Variants in SFMBT2 observed in about 807,000 individuals in gnomAD.
SFMBT2 encodes the protein scm-like with four MBT domains protein 2.
A neutral mutation model predicts 110.1 loss-of-function variants in SFMBT2; 38 were observed. The observed-to-expected ratio is 0.35, with a 90% CI of 0.27 to 0.45. The LOEUF (loss-of-function observed/expected upper bound fraction) is 0.45. SFMBT2 is among the 20% of genes least tolerant of loss of function. The probability of loss-of-function intolerance (pLI) is 1.00; values close to 1 mark genes in which losing one functional copy is unlikely to be tolerated. For missense variants in SFMBT2, 1,011 were observed against 1,094.9 expected, an observed-to-expected ratio of 0.92 and a Z score of 1.08; for synonymous variants, 425 against 425.4, an observed-to-expected ratio of 1.00 and a Z score of 0.01.
In SFMBT2 at chr10:7,283,922, T is replaced by C. The variant is rs1842017456; in HGVS notation, c.754A>G (p.Arg252Gly). ...PVGWCQENKYRMDPPSEIYPL... is the reference protein window; with the variant it reads ...PVGWCQENKYGMDPPSEIYPL... The stretch of plus-strand genomic sequence containing the variant: ...CCCTTACCTGAAGGTGGGTCCATTC[T>C]GTATTTATTCTCTTGACACCAACCA... The change falls in exon 6 of 21, where the codon AGA becomes GGA. Residue 252 changes from arginine (R) to glycine (G), a missense_variant. Arg to Gly is a moderately radical substitution (Grantham distance 125). This residue lies in a region of SFMBT2 where 979 missense variants were observed against 1,016.1 expected (regional missense o/e 0.96). Transcript: ENST00000397167. 1 of 1,598,170 alleles carries C rather than the reference T, an allele frequency of 6.3e-7. No individual in the cohort carries two copies. The highest frequency in any genetic ancestry group is 8.6e-7 in the Non-Finnish European group (1 of 1,165,386).
At chr10:7,164,202 C>T in intron 20 of SFMBT2, 1 of 832,900 alleles carries the variant, frequency 1.2e-6, no homozygotes, top group Non-Finnish European at 1.4e-6. Context: ...GTCTGGGTAA[C>T]ACGGTGAGAT....
chr10:7,315,076 G>GAA (rs1306152314), intron 4 of SFMBT2, among the ~76,000 whole-genome samples: 1 of 144,150 alleles, frequency 6.9e-6, no homozygotes, highest in African/African-American at 2.6e-5. Context: ...AAGAAAGAAA[G>GAA]AAAGAAAGAA....
intron 15 of SFMBT2, among the ~76,000 whole-genome samples, chr10:7,194,505 C>T (rs1838709379): frequency 6.6e-6 from 1 of 152,186 alleles, no homozygotes; most frequent in South Asian, 2.1e-4. Context: ...CACTGCACAT[C>T]TCCTACACAT....
intron 11 of SFMBT2, chr10:7,206,424 T>C: frequency 1.6e-5 from 16 of 985,424 alleles, no homozygotes; most frequent in Non-Finnish European, 1.9e-5. Flanking sequence ...GCATCACAGC[T>C]AAACGGAACC....
intron 10 of SFMBT2, among the ~76,000 whole-genome samples, chr10:7,224,582 G>A (rs963456690): frequency 6.6e-6 from 1 of 152,132 alleles, no homozygotes; most frequent in Non-Finnish European, 1.5e-5. Flanking sequence ...CCTTCGTCCA[G>A]TCTCCTGTTC....
chr10:7,167,327 G>A (rs899993237), intron 20 of SFMBT2, among the ~76,000 whole-genome samples: 8 of 152,216 alleles, frequency 5.3e-5, no homozygotes, highest in African/African-American at 1.9e-4. Context: ...TTTTTACTGT[G>A]TAATGTACAG....
At position 7,410,128 on chromosome 10, in the gene SFMBT2, G is replaced by A. The variant is rs543382817; in HGVS notation, c.-52+733C>T. 2.0e-5 allele frequency among the ~76,000 whole-genome samples: 3 copies of A among 152,290 alleles called. No individual in the cohort carries two copies. In the East Asian group the frequency reaches 5.8e-4, roughly 29 times the overall value. Reference sequence around the variant, plus strand: ...AAGTCAGCAATTTTGAAAGGGGGTCGAATAAGAGGAGACAACCGGAAAGCC... The same window carrying A: ...AAGTCAGCAATTTTGAAAGGGGGTCAAATAAGAGGAGACAACCGGAAAGCC... On this transcript the variant is annotated intron_variant, in intron 1 of 20. Transcript: ENST00000397167.
intron 2 of SFMBT2, among the ~76,000 whole-genome samples, chr10:7,377,250 C>G (rs373322507): frequency 1.0e-3 from 154 of 150,250 alleles, no homozygotes; most frequent in African/African-American, 3.5e-3. Context: ...ATAATTTTCT[C>G]AAGGAAAAAC....
intron 4 of SFMBT2, among the ~76,000 whole-genome samples, chr10:7,359,826 A>G (rs1844656239): frequency 6.6e-6 from 1 of 152,246 alleles, no homozygotes; most frequent in Admixed American, 6.5e-5. Flanking sequence ...TCTCAGTGAT[A>G]TTCAGTCTGA....
At position 7,160,616 on chromosome 10, in the gene SFMBT2, G is replaced by A. The variant is rs1564358967; in HGVS notation, c.*3154C>T. 1 of 152,186 alleles carries A rather than the reference G, an allele frequency of 6.6e-6. No individual in the cohort carries two copies. Among genetic ancestry groups the A allele is most frequent in the Non-Finnish European group, 1.5e-5 (1 of 68,050 alleles). 9.4% of individuals were successfully genotyped at this position (152,186 alleles called of 1,614,324 possible). ...GCGGGGCATCACTTTTTGGTGTTTAGACCATGACATTGTTGGCCTAGGGGC... is the reference window on the plus strand; with the variant it reads ...GCGGGGCATCACTTTTTGGTGTTTAAACCATGACATTGTTGGCCTAGGGGC... On this transcript the variant is annotated 3_prime_UTR_variant, in exon 21 of 21. Transcript: ENST00000397167.
intron 7 of SFMBT2, among the ~76,000 whole-genome samples, chr10:7,264,908 T>C (rs556068120): frequency 1.0e-3 from 133 of 129,020 alleles, no homozygotes; most frequent in African/African-American, 3.7e-3. Flanking sequence ...GATCAAACAA[T>C]CTGAAAAGAC....
chr10:7,312,224 A>T (rs1842877468), intron 4 of SFMBT2, among the ~76,000 whole-genome samples: 1 of 152,152 alleles, frequency 6.6e-6, no homozygotes, highest in Admixed American at 6.5e-5. Context: ...CGTAAAGTAT[A>T]ATTTAAAAAA....
chr10:7,206,476 C>T, intron 11 of SFMBT2: 6 of 985,402 alleles, frequency 6.1e-6, no homozygotes, highest in Non-Finnish European at 7.2e-6. Context: ...TGTACGTGGA[C>T]AAGGCCCTTC....
chr10:7,324,790 C>A (rs1367248257), intron 4 of SFMBT2, among the ~76,000 whole-genome samples: 5 of 152,096 alleles, frequency 3.3e-5, no homozygotes, highest in Non-Finnish European at 7.4e-5. Flanking sequence ...AGGTGGCCGC[C>A]ATCTTGCTAC....
chr10:7,232,936 G>A (rs181336760), intron 9 of SFMBT2, among the ~76,000 whole-genome samples: 3 of 152,186 alleles, frequency 2.0e-5, no homozygotes, highest in East Asian at 3.9e-4. Flanking sequence ...TCCAGTTCCT[G>A]GAGGAAGTGA....
chr10:7,284,363 C>A, intron 5 of SFMBT2: 1 of 1,301,206 alleles, frequency 7.7e-7, no homozygotes, highest in Non-Finnish European at 9.7e-7. Context: ...CCGTATCCAA[C>A]AACAAAAAAA....
chr10:7,205,018 T>A (rs1425388849), intron 12 of SFMBT2: 1 of 700,078 alleles, frequency 1.4e-6, no homozygotes, highest in African/African-American at 1.9e-5. Context: ...TGTGGTAATA[T>A]ACTTTATAAA....
At chr10:7,299,614 A>G (rs1842500155) in intron 4 of SFMBT2, among the ~76,000 whole-genome samples, 2 of 152,202 alleles carry the variant, frequency 1.3e-5, no homozygotes, top group Admixed American at 1.3e-4. Flanking sequence ...GAGAAACAGG[A>G]ACGCTTTTAC....
chr10:7,180,948 C>G (rs1838226917), intron 16 of SFMBT2, among the ~76,000 whole-genome samples: 1 of 152,148 alleles, frequency 6.6e-6, no homozygotes, highest in Non-Finnish European at 1.5e-5. Flanking sequence ...CGTTCCACCA[C>G]AAGCGCACAG....
Sources: allele counts gnomAD v4.1 joint callset (sites outside exome capture counted in the v4.1 genomes callset), GRCh38; gene constraint gnomAD v4.1.1; regional missense constraint gnomAD v4.1.1; transcripts MANE v1.5; gene names NCBI Gene and HGNC (gene_info 2026-07-23, HGNC 2026-07-21).